The following MYO16 variants were observed in gnomAD, a reference collection of about 807,000 sequenced individuals.
MYO16 encodes myosin XVI.
A neutral mutation model predicts 205.3 loss-of-function variants in MYO16; 94 were observed. That is an observed-to-expected ratio of 0.46 (90% CI 0.39 to 0.54). The LOEUF is 0.54. Among genes scored for constraint, MYO16 ranks in the 20% least tolerant of loss-of-function variants. MYO16 has a pLI of 0.00. For missense variants in MYO16, 2,315 were observed against 2,387.5 expected (o/e 0.97, Z 0.63); for synonymous variants, 988 against 954.0 (o/e 1.04, Z -0.66).
chr13:108,658,460 T>G (rs1444368744), intron 1 of MYO16, among the ~76,000 whole-genome samples: 3 of 122,262 alleles, frequency 2.5e-5, no homozygotes, highest in Admixed American at 8.5e-5. Flanking sequence ...GTGTGTGTGT[T>G]TTCTAAATTC....
intron 6 of MYO16, among the ~76,000 whole-genome samples, chr13:108,802,916 GTTAT>G (rs950932383): frequency 6.6e-6 from 1 of 152,064 alleles, no homozygotes; most frequent in African/African-American, 2.4e-5. Context: ...TTTAAATTGG[GTTAT>G]TTGTTTTCTT....
At chr13:108,986,162 A>G (rs999947424) in intron 20 of MYO16, among the ~76,000 whole-genome samples, 4 of 152,142 alleles carry the variant, frequency 2.6e-5, no homozygotes, top group Non-Finnish European at 5.9e-5. Context: ...CCATGATTCG[A>G]TTACCTCCCA....
At chr13:108,526,387 A>T in the MYO16 span, among the ~76,000 whole-genome samples, 55 of 152,282 alleles carry the variant, frequency 3.6e-4, no homozygotes, top group Admixed American at 9.8e-4. Context: ...GTAAAAAATG[A>T]TTTTTTATAT....
chr13:108,942,358 C>T (rs1319010152), intron 16 of MYO16, among the ~76,000 whole-genome samples: 3 of 152,166 alleles, frequency 2.0e-5, no homozygotes, highest in African/African-American at 7.2e-5. Context: ...TTCCCAAGAT[C>T]ATAAAGCCCC....
intron 31 of MYO16, among the ~76,000 whole-genome samples, chr13:109,128,706 C>T (rs922070103): frequency 6.7e-6 from 1 of 149,202 alleles, no homozygotes; most frequent in Non-Finnish European, 1.5e-5. Flanking sequence ...AGCAAATTAA[C>T]AAATCCATGC....
chr13:108,852,402 A>C (rs1413269320), intron 10 of MYO16, among the ~76,000 whole-genome samples: 1 of 152,196 alleles, frequency 6.6e-6, no homozygotes, highest in Non-Finnish European at 1.5e-5. Context: ...AGTGGTTATC[A>C]TGCCAGTTTT....
At chr13:108,751,964 T>C (rs1324119675) in intron 4 of MYO16, among the ~76,000 whole-genome samples, 2 of 152,162 alleles carry the variant, frequency 1.3e-5, no homozygotes, top group Non-Finnish European at 2.9e-5. Context: ...AGATATAAGA[T>C]GTAAACCTAG....
At chr13:109,004,279 A>G (rs2139468120) in intron 21 of MYO16, among the ~76,000 whole-genome samples, 1 of 152,300 alleles carries the variant, frequency 6.6e-6, no homozygotes, top group East Asian at 1.9e-4. Flanking sequence ...TCATATAGTC[A>G]AAGAAGATAT....
chr13:108,687,192 G>A (rs1274589937), intron 2 of MYO16, among the ~76,000 whole-genome samples: 4 of 152,220 alleles, frequency 2.6e-5, no homozygotes, highest in Non-Finnish European at 4.4e-5. Context: ...TATATGCATA[G>A]CAAAGTATAA....
chr13:109,147,793 G>A (rs1877419165), intron 32 of MYO16, among the ~76,000 whole-genome samples: 1 of 152,074 alleles, frequency 6.6e-6, no homozygotes, highest in African/African-American at 2.4e-5. Flanking sequence ...CATACAAAGT[G>A]GGGCGCTCCT....
intron 24 of MYO16, among the ~76,000 whole-genome samples, chr13:109,049,581 TA>T (rs1396896079): frequency 2.5e-5 from 3 of 122,422 alleles, no homozygotes; most frequent in African/African-American, 8.8e-5. Context: ...TTTTTCTTTT[TA>T]AATTTTTTTT....
At chr13:108,670,770 A>C (rs545446938) in intron 2 of MYO16, among the ~76,000 whole-genome samples, 47 of 152,330 alleles carry the variant, frequency 3.1e-4, no homozygotes, top group African/African-American at 1.0e-3. Flanking sequence ...TATAGTTTTT[A>C]GAATACATCT....
chr13:109,063,608 C>T (rs1360312641), intron 27 of MYO16, among the ~76,000 whole-genome samples: 1 of 152,144 alleles, frequency 6.6e-6, no homozygotes, highest in African/African-American at 2.4e-5. Context: ...TCTCAGCCTC[C>T]AGAACTGTGA....
At chr13:108,947,097 A>G (rs1882967698) in intron 16 of MYO16, among the ~76,000 whole-genome samples, 2 of 152,218 alleles carry the variant, frequency 1.3e-5, no homozygotes, top group Non-Finnish European at 2.9e-5. Flanking sequence ...TGTCAGTAGT[A>G]ACTATCTGTA....
At chr13:108,597,857 A>T (rs977890709) in intron 1 of MYO16, among the ~76,000 whole-genome samples, 13 of 152,326 alleles carry the variant, frequency 8.5e-5, no homozygotes, top group African/African-American at 3.1e-4. Flanking sequence ...CAAGATGGAA[A>T]ACCAATTCAT....
chr13:109,039,868 G>A (rs1014649188), intron 23 of MYO16, among the ~76,000 whole-genome samples: 24 of 152,130 alleles, frequency 1.6e-4, no homozygotes, highest in African/African-American at 5.5e-4. Flanking sequence ...AGAAAAAAAG[G>A]AGAAAATCAA....
At chr13:109,120,677 G>A (rs992473729) in intron 29 of MYO16, among the ~76,000 whole-genome samples, 1 of 152,176 alleles carries the variant, frequency 6.6e-6, no homozygotes, top group Non-Finnish European at 1.5e-5. Flanking sequence ...ATCAACATTT[G>A]CAGACATTGT....
intron 1 of MYO16, among the ~76,000 whole-genome samples, chr13:108,657,782 T>A (rs938044801): frequency 6.6e-6 from 1 of 152,202 alleles, no homozygotes. Flanking sequence ...AATAACTGAC[T>A]TTTTTCCTCT....
intron 3 of MYO16, among the ~76,000 whole-genome samples, chr13:108,725,438 G>A (rs190255812): frequency 1.2e-3 from 186 of 152,168 alleles, no homozygotes; most frequent in African/African-American, 4.2e-3. Context: ...TAAGTTATTT[G>A]GAAACAGTTT....
Sources: allele counts gnomAD v4.1 joint callset (sites outside exome capture counted in the v4.1 genomes callset), GRCh38; gene constraint gnomAD v4.1.1; transcripts MANE v1.5; gene names NCBI Gene and HGNC (gene_info 2026-07-23, HGNC 2026-07-21).